The following APAF1 variants were observed in gnomAD, a reference collection of about 807,000 sequenced individuals.
The protein encoded by APAF1 is apoptotic peptidase activating factor 1.
APAF1 carries 91 observed loss-of-function variants against 152.4 expected under a neutral mutation model. The ratio of observed to expected loss-of-function variants is 0.60; its 90% confidence interval spans 0.50 to 0.71. APAF1 has a LOEUF of 0.71. Among genes scored for constraint, APAF1 ranks in the 30% least tolerant of loss-of-function variants. The pLI is 0.00. For synonymous variants in APAF1, 484 were observed against 494.1 expected, an observed-to-expected ratio of 0.98 and a Z score of 0.27; for missense variants, 1,283 against 1,472.0, an observed-to-expected ratio of 0.87 and a Z score of 2.10.
rs764268296 is a variant in APAF1 at position 98,699,398 on chromosome 12, T to A, written c.2305-10T>A. On this transcript the variant is annotated splice_polypyrimidine_tract_variant and intron_variant, in intron 16 of 26. Transcript: ENST00000551964. ...ACAAACTTTTTCTTTTTTATTACTT[T>A]AATTCAAAGCTTTGGGATGCGACAT... 3 of 1,613,494 alleles carry A rather than the reference T, an allele frequency of 1.9e-6. No homozygotes were observed. Among genetic ancestry groups the A allele is most frequent in the Non-Finnish European group, 2.5e-6 (3 of 1,179,714 alleles).
intron 25 of APAF1, among the ~76,000 whole-genome samples, chr12:98,726,967 G>A (rs946651761): frequency 1.3e-5 from 2 of 151,932 alleles, no homozygotes; most frequent in Non-Finnish European, 2.9e-5. Flanking sequence ...TTATTCTGGT[G>A]TACCTTTATT....
intron 4 of APAF1, among the ~76,000 whole-genome samples, chr12:98,651,131 T>C (rs949008858): frequency 3.3e-5 from 5 of 152,246 alleles, no homozygotes; most frequent in African/African-American, 9.6e-5. Flanking sequence ...GTGAGCTTAA[T>C]TCATATTCCT....
intron 16 of APAF1, among the ~76,000 whole-genome samples, chr12:98,693,295 C>T (rs1007710412): frequency 2.6e-5 from 4 of 151,808 alleles, no homozygotes; most frequent in East Asian, 1.9e-4. Context: ...GGTCTTACTA[C>T]GTTGGCCAGG....
rs939119783 is a variant in APAF1 at position 98,645,513 on chromosome 12, C to A, written c.-364C>A. On this transcript the variant is annotated 5_prime_UTR_variant, in exon 1 of 27. Coordinates refer to ENST00000551964, the MANE Select transcript of APAF1 (RefSeq NM_181861.2). ...CTCCCTTTGTGTCCAGTAGTGGGGTCCACCGGAGGGCGGCCCGTGGGCCGG... is the reference window on the plus strand; with the variant it reads ...CTCCCTTTGTGTCCAGTAGTGGGGTACACCGGAGGGCGGCCCGTGGGCCGG... 1.3e-5 allele frequency: 2 copies of A among 152,286 alleles called. No homozygotes were observed. Among genetic ancestry groups the A allele is most frequent in the East Asian group, 3.9e-4 (2 of 5,144 alleles). 9.4% of individuals were successfully genotyped at this position (152,286 alleles called of 1,614,324 possible). A position where few individuals can be genotyped will look rare whatever the true frequency, so the allele number is the denominator to read the frequency against.
intron 22 of APAF1, among the ~76,000 whole-genome samples, chr12:98,720,602 TAAATAAAG>T (rs746066041): frequency 3.3e-5 from 5 of 152,164 alleles, no homozygotes; most frequent in Non-Finnish European, 7.3e-5. Context: ...TACCTTGAAG[TAAATAAAG>T]GCCAAGTATT....
intron 10 of APAF1, among the ~76,000 whole-genome samples, chr12:98,668,325 C>T (rs548079128): frequency 7.2e-5 from 11 of 152,162 alleles, no homozygotes; most frequent in African/African-American, 2.4e-4. Flanking sequence ...AGTAGCTTTC[C>T]TTTTTGGGCA....
At position 98,712,678 on chromosome 12, in the gene APAF1, G is replaced by A. The variant is rs1334867453; in HGVS notation, c.2958+243G>A. On this transcript the variant is annotated intron_variant, in intron 21 of 26. Transcript: ENST00000551964. The stretch of plus-strand genomic sequence containing the variant: ...ACTAAAGGTGTACGTCACCATGCCC[G>A]ACTAATTTTTTTTTTTTGTAGAGAT... The A allele has an allele frequency of 8.5e-5, 38 of 445,348 alleles. 1 individual carries two copies. In the South Asian group the frequency reaches 9.2e-4, roughly 11 times the overall value. The allele number at this position is 445,348 out of a possible 1,614,324, so 27.6% of individuals were successfully genotyped here.
intron 19 of APAF1, 48 bp from the exon 20 acceptor site, chr12:98,708,537 A>G: frequency 3.8e-6 from 6 of 1,592,174 alleles, no homozygotes; most frequent in Non-Finnish European, 5.2e-6. Context: ...TAAGATGAAG[A>G]CATGTTATTT....
At chr12:98,727,913 C>G (rs968209382) in intron 26 of APAF1, among the ~76,000 whole-genome samples, 1 of 150,794 alleles carries the variant, frequency 6.6e-6, no homozygotes, top group African/African-American at 2.4e-5. Context: ...TGCACTGCAG[C>G]CTAGGCAACA....
At chr12:98,726,345 A>T (rs910798111) in intron 25 of APAF1, 1 of 152,392 alleles carries the variant, frequency 6.6e-6, no homozygotes, top group Non-Finnish European at 1.5e-5. Context: ...AGAATTGGGG[A>T]GCCGATTGGA....
intron 22 of APAF1, among the ~76,000 whole-genome samples, chr12:98,716,292 G>A (rs2097734656): frequency 6.6e-6 from 1 of 152,080 alleles, no homozygotes; most frequent in African/African-American, 2.4e-5. Context: ...CACCTGTCCT[G>A]CCTTCAGCTT....
rs761699492 is a variant in APAF1, at chr12:98,659,201, CAA to C, written c.569_570del (p.Gln190ArgfsTer20). The C allele has an allele frequency of 2.5e-6, 4 of 1,614,190 alleles. No homozygotes were observed. The highest frequency in any genetic ancestry group is 4.5e-5 in the East Asian group (2 of 44,880). ...AGTGCATTGGGTTTCAGTTGGGAAACAAGACAAATCTGGGCTTCTGATGAAAC... is the reference window on the plus strand; with the variant it reads ...AGTGCATTGGGTTTCAGTTGGGAAACGACAAATCTGGGCTTCTGATGAAAC... ...GGVHWVSVGKQDKSGLLMKLQ... is the reference protein window; with the variant it reads ...GGVHWVSVGKXDKSGLLMKLQ... On this transcript the variant is annotated frameshift_variant, in exon 5 of 27. Transcript: ENST00000551964. LOFTEE classifies it high-confidence loss of function.
At chr12:98,689,689 C>A (rs537415104) in intron 16 of APAF1, among the ~76,000 whole-genome samples, 13 of 152,258 alleles carry the variant, frequency 8.5e-5, no homozygotes, top group African/African-American at 3.1e-4. Flanking sequence ...TTGAACTAAG[C>A]TCAAGCGATC....
At position 98,734,858 on chromosome 12, in the gene APAF1, T is replaced by TA. The variant is rs1368609740; in HGVS notation, c.*2295dup. ...GGGCTCATCTCATGTAGGCAGAGTATAAAGTATTACCTTTTGGAATTAAAA... is the reference window on the plus strand; with the variant it reads ...GGGCTCATCTCATGTAGGCAGAGTATAAAAGTATTACCTTTTGGAATTAAAA... On this transcript the variant is annotated 3_prime_UTR_variant, in exon 27 of 27. Coordinates refer to ENST00000551964, the MANE Select transcript of APAF1 (RefSeq NM_181861.2). 4 of 249,786 alleles carry TA rather than the reference T, an allele frequency of 1.6e-5. No homozygotes were observed. Among genetic ancestry groups the TA allele is most frequent in the Admixed American group, 1.1e-4 (2 of 18,354 alleles). The allele number at this position is 249,786 out of a possible 1,614,324, so 15.5% of individuals were successfully genotyped here.
Position 98,708,522 on chromosome 12 carries a change from C to T in APAF1, c.2722-63C>T, listed in dbSNP as rs879065573. 83 of 1,542,070 alleles carry T rather than the reference C, an allele frequency of 5.4e-5. No homozygotes were observed. The South Asian group carries it at 6.3e-4, about 12-fold the overall frequency. ...TTTATGTGAAACATAGTTTGTCTCT[C>T]GCTTTAAGATGAAGACATGTTATTT... On this transcript the variant is annotated intron_variant, in intron 19 of 26. Coordinates refer to ENST00000551964, the MANE Select transcript of APAF1 (RefSeq NM_181861.2).
At chr12:98,730,589 G>A (rs1462146988) in intron 26 of APAF1, among the ~76,000 whole-genome samples, 1 of 152,212 alleles carries the variant, frequency 6.6e-6, no homozygotes, top group Non-Finnish European at 1.5e-5. Context: ...TATGTATTTA[G>A]TTTGTATATT....
At chr12:98,727,412 A>G in intron 26 of APAF1, 96 bp downstream of exon 26, 1 of 1,421,282 alleles carries the variant, frequency 7.0e-7, no homozygotes, top group East Asian at 2.3e-5. Flanking sequence ...GCCTTTTACA[A>G]CCCAGCAGAG....
chr12:98,703,511 A>G lies in APAF1; in HGVS notation c.2595+12A>G. 6.2e-7 allele frequency: 1 copy of G among 1,614,024 alleles called. No individual in the cohort carries two copies. ...AGTACTGTGTAGAGGTGAGTAGTTGAATTTATTCTGTGAAGCCTGGGTTTC... is the reference window on the plus strand; with the variant it reads ...AGTACTGTGTAGAGGTGAGTAGTTGGATTTATTCTGTGAAGCCTGGGTTTC... On this transcript the variant is annotated intron_variant, in intron 18 of 26. Coordinates refer to ENST00000551964, the MANE Select transcript of APAF1 (RefSeq NM_181861.2).
At chr12:98,671,837 T>C in intron 12 of APAF1, 118 bp downstream of exon 12, 1 of 902,842 alleles carries the variant, frequency 1.1e-6, no homozygotes, top group South Asian at 1.4e-5. Context: ...GCTGGAACTT[T>C]TAATAAGCAT....
Sources: gnomAD v4.1 joint callset for allele counts (sites outside exome capture counted in the v4.1 genomes callset) on GRCh38, gnomAD v4.1.1 for gene constraint, MANE v1.5 for transcripts, NCBI Gene and HGNC (gene_info 2026-07-23, HGNC 2026-07-21) for gene names.